Variants in SLCO1B3 observed in about 807,000 individuals in gnomAD.
SLCO1B3 encodes liver-specific organic anion transporter 2.
SLCO1B3 carries 72 observed loss-of-function variants against 71.8 expected under a neutral mutation model. The observed-to-expected ratio is 1.00, with a 90% CI of 0.83 to 1.22. The LOEUF (loss-of-function observed/expected upper bound fraction) is 1.22, where lower values mean the gene tolerates loss of function less well. Ranked by LOEUF, SLCO1B3 falls within the 50% of genes most tolerant of loss-of-function variation. The pLI, the probability that SLCO1B3 is intolerant of heterozygous loss-of-function variation, is 0.00. For synonymous variants in SLCO1B3, 298 were observed against 278.4 expected (o/e 1.07, Z -0.70); for missense variants, 911 against 819.7 (o/e 1.11, Z -1.36).
At chr12:20,831,465 A>G (rs577433947) in intron 3 of SLCO1B3, among the ~76,000 whole-genome samples, 8 of 152,264 alleles carry the variant, frequency 5.3e-5, no homozygotes, top group Non-Finnish European at 1.2e-4. Flanking sequence ...GTTTAAAGGA[A>G]TCTTTTCACT....
At chr12:20,866,645 AG>A (rs1307890679) in intron 8 of SLCO1B3, among the ~76,000 whole-genome samples, 2 of 152,116 alleles carry the variant, frequency 1.3e-5, no homozygotes, top group African/African-American at 4.8e-5. Flanking sequence ...GTAACAGAAA[AG>A]TTCTAAATGG....
intron 3 of SLCO1B3, among the ~76,000 whole-genome samples, chr12:20,829,533 A>C (rs963569193): frequency 1.3e-5 from 2 of 152,190 alleles, no homozygotes; most frequent in African/African-American, 2.4e-5. Flanking sequence ...GAGATCAGGC[A>C]TTCTCTCTGC....
intron 3 of SLCO1B3, among the ~76,000 whole-genome samples, chr12:20,821,778 A>G (rs1864315047): frequency 6.6e-6 from 1 of 152,146 alleles, no homozygotes; most frequent in Non-Finnish European, 1.5e-5. Flanking sequence ...GTGGTCTGAC[A>G]CCTTTGAAAT....
intron 3 of SLCO1B3, among the ~76,000 whole-genome samples, chr12:20,819,160 A>C (rs539517681): frequency 1.3e-5 from 2 of 152,310 alleles, no homozygotes; most frequent in Admixed American, 1.3e-4. Flanking sequence ...GAAAGGCTAC[A>C]GGGTGCGGTC....
At chr12:20,814,315 A>C (rs1864154389) in intron 2 of SLCO1B3, among the ~76,000 whole-genome samples, 1 of 152,142 alleles carries the variant, frequency 6.6e-6, no homozygotes, top group Non-Finnish European at 1.5e-5. Flanking sequence ...TTGACTTCAA[A>C]ACTTCACTTG....
At chr12:20,891,586 T>C (rs1406723622) in intron 13 of SLCO1B3, among the ~76,000 whole-genome samples, 1 of 152,094 alleles carries the variant, frequency 6.6e-6, no homozygotes, top group Admixed American at 6.5e-5. Context: ...GTCAGGGAAG[T>C]TTTTGGGAGT....
intron 13 of SLCO1B3, among the ~76,000 whole-genome samples, chr12:20,889,915 ATT>A (rs36117594): frequency 0.15 from 21,313 of 145,026 alleles, 1,611 homozygotes; most frequent in Middle Eastern, 0.29. Flanking sequence ...CATTTTCTTA[ATT>A]TTTTTTTTTT....
In SLCO1B3 at chr12:20,875,400, T is replaced by G; in HGVS notation, c.893T>G (p.Val298Gly). 6.2e-7 allele frequency: 1 copy of G among 1,609,064 alleles called. No homozygotes were observed. Among genetic ancestry groups the G allele is most frequent in the Non-Finnish European group, 8.5e-7 (1 of 1,178,610 alleles). Residue 298 changes from valine to glycine, a missense_variant, in exon 9 of 16, where the codon GTG becomes GGG. Physicochemically the swap from Val to Gly is moderately radical, Grantham distance 109 (BLOSUM62 -3). Transcript: ENST00000381545. ...AGAAAAATTTCACTATCATTGCATG[T>G]GCTGAAAACAAATGATGATAGAAAT... ...KERKISLSLH[V>G]LKTNDDRNQT...
At chr12:20,827,305 A>G (rs1014909476) in intron 3 of SLCO1B3, among the ~76,000 whole-genome samples, 3 of 152,214 alleles carry the variant, frequency 2.0e-5, no homozygotes, top group African/African-American at 7.2e-5. Flanking sequence ...AGCAATTAAA[A>G]CACACTTATT....
intron 13 of SLCO1B3, among the ~76,000 whole-genome samples, chr12:20,885,303 A>G (rs1865772311): frequency 6.6e-6 from 1 of 152,172 alleles, no homozygotes; most frequent in African/African-American, 2.4e-5. Context: ...AACTAGACTC[A>G]GCAGGAGTGT....
intron 3 of SLCO1B3, among the ~76,000 whole-genome samples, chr12:20,821,365 C>A (rs1009320928): frequency 3.9e-5 from 6 of 151,928 alleles, no homozygotes; most frequent in African/African-American, 1.5e-4. Flanking sequence ...AGAAAAAAGA[C>A]GCTTAGATTT....
intron 3 of SLCO1B3, among the ~76,000 whole-genome samples, chr12:20,830,093 C>A (rs11615874): frequency 0.077 from 11,689 of 152,196 alleles, 688 homozygotes; most frequent in Admixed American, 0.17. Context: ...TTTTATCCAG[C>A]CTCTATTCAA....
At chr12:20,822,842 T>A (rs967209371) in intron 3 of SLCO1B3, among the ~76,000 whole-genome samples, 4 of 152,210 alleles carry the variant, frequency 2.6e-5, no homozygotes, top group Non-Finnish European at 4.4e-5. Context: ...AGCTTAATTT[T>A]GTTTCTTATG....
At position 20,814,872 on chromosome 12, in the gene SLCO1B3, G is replaced by A. The variant is rs527329101; in HGVS notation, c.-65-802G>A. Among the ~76,000 whole-genome samples, 16 of 146,338 alleles carry A rather than the reference G, an allele frequency of 1.1e-4. No homozygotes were observed. The South Asian group carries it at 2.0e-3, about 18-fold the overall frequency. On this transcript the variant is annotated intron_variant, in intron 2 of 15. Transcript: ENST00000381545. ...AGATCACGCTACTGCCCTCCAGCCC[G>A]GGAGACAGAGCAAGACTCCGTCTCA...
chr12:20,909,322 C>T (rs1397282954), intron 15 of SLCO1B3, among the ~76,000 whole-genome samples: 15 of 135,714 alleles, frequency 1.1e-4, no homozygotes, highest in Admixed American at 4.8e-4. Flanking sequence ...CCCACCACCA[C>T]GCCTGGCTAA....
chr12:20,881,444 C>G (rs539328200), intron 12 of SLCO1B3, among the ~76,000 whole-genome samples: 1 of 152,248 alleles, frequency 6.6e-6, no homozygotes, highest in African/African-American at 2.4e-5. Context: ...GAACAATAAT[C>G]TATTTGCATT....
chr12:20,826,712 C>G (rs908772495), intron 3 of SLCO1B3, among the ~76,000 whole-genome samples: 5 of 151,646 alleles, frequency 3.3e-5, no homozygotes, highest in African/African-American at 1.2e-4. Context: ...AAGATTCTTT[C>G]TCATATAAAA....
At chr12:20,862,117 T>C (rs1865278389) in intron 6 of SLCO1B3, among the ~76,000 whole-genome samples, 1 of 152,118 alleles carries the variant, frequency 6.6e-6, no homozygotes, top group Non-Finnish European at 1.5e-5. Context: ...ATAACCTGGA[T>C]TTTTAAATAT....
At chr12:20,904,897 C>T (rs1866209452) in intron 15 of SLCO1B3, among the ~76,000 whole-genome samples, 1 of 149,948 alleles carries the variant, frequency 6.7e-6, no homozygotes, top group Non-Finnish European at 1.5e-5. Flanking sequence ...CCTCAGCTTC[C>T]TGAGTAGGTG....
Sources: gnomAD v4.1 joint callset for allele counts (sites outside exome capture counted in the v4.1 genomes callset) on GRCh38, gnomAD v4.1.1 for gene constraint, MANE v1.5 for transcripts, NCBI Gene and HGNC (gene_info 2026-07-23, HGNC 2026-07-21) for gene names.